The following TUSC3 variants were observed in gnomAD, a reference collection of about 807,000 sequenced individuals.
TUSC3 encodes dolichyl-diphosphooligosaccharide--protein glycosyltransferase subunit TUSC3.
TUSC3 carries 45 observed loss-of-function variants against 44.8 expected under a neutral mutation model. That is an observed-to-expected ratio of 1.00 (90% CI 0.79 to 1.29). TUSC3 has a LOEUF of 1.29. Among genes scored for constraint, TUSC3 ranks in the 50% most tolerant of loss-of-function variants. The pLI, the probability that TUSC3 is intolerant of heterozygous loss-of-function variation, is 0.00. For synonymous variants in TUSC3, 212 were observed against 152.9 expected (o/e 1.39, Z -2.85); for missense variants, 519 against 437.9 (o/e 1.19, Z -1.65).
At chr8:15,545,614 G>A (rs928041230) in intron 1 of TUSC3, among the ~76,000 whole-genome samples, 1 of 151,640 alleles carries the variant, frequency 6.6e-6, no homozygotes. Context: ...TAGGAGCTTG[G>A]TCAAAAGAGA....
intron 5 of TUSC3, among the ~76,000 whole-genome samples, chr8:15,664,795 A>C (rs1335171707): frequency 6.7e-6 from 1 of 149,532 alleles, no homozygotes; most frequent in Non-Finnish European, 1.5e-5. Flanking sequence ...AATATATAAT[A>C]TATAATTTAC....
At chr8:15,580,861 G>C (rs1803298820) in intron 1 of TUSC3, among the ~76,000 whole-genome samples, 1 of 143,086 alleles carries the variant, frequency 7.0e-6, no homozygotes, top group South Asian at 2.2e-4. Context: ...CTGAACGTTG[G>C]CCTGCCTTGC....
intron 1 of TUSC3, among the ~76,000 whole-genome samples, chr8:15,548,224 G>A (rs1801941406): frequency 6.6e-6 from 1 of 151,750 alleles, no homozygotes; most frequent in Non-Finnish European, 1.5e-5. Flanking sequence ...CCTGATGGTT[G>A]TGACAAACTA....
At chr8:15,747,234 C>T (rs926511022) in intron 8 of TUSC3, among the ~76,000 whole-genome samples, 8 of 151,968 alleles carry the variant, frequency 5.3e-5, no homozygotes, top group African/African-American at 1.9e-4. Flanking sequence ...ATCATAGTTC[C>T]TTATTATAGA....
At chr8:15,727,348 T>G (rs1810537373) in intron 6 of TUSC3, among the ~76,000 whole-genome samples, 1 of 152,174 alleles carries the variant, frequency 6.6e-6, no homozygotes, top group African/African-American at 2.4e-5. Context: ...CAGTAATCTC[T>G]TTGTTGCACA....
At chr8:15,466,133 A>G (rs1190040160) in intron 1 of TUSC3, among the ~76,000 whole-genome samples, 1 of 152,150 alleles carries the variant, frequency 6.6e-6, no homozygotes, top group East Asian at 1.9e-4. Context: ...AACAAACTGT[A>G]ATGACCTCAC....
chr8:15,420,033 G>A (rs1261836001), intron 1 of TUSC3, among the ~76,000 whole-genome samples: 1 of 151,962 alleles, frequency 6.6e-6, no homozygotes. Flanking sequence ...ATGTATCTGT[G>A]GATAGCAGGA....
At chr8:15,749,259 G>T (rs1376678949) in intron 9 of TUSC3, among the ~76,000 whole-genome samples, 1 of 152,062 alleles carries the variant, frequency 6.6e-6, no homozygotes, top group Non-Finnish European at 1.5e-5. Context: ...TATGTTGATA[G>T]AAAATAAAAG....
chr8:15,583,056 A>G (rs1014750234), intron 1 of TUSC3, among the ~76,000 whole-genome samples: 1 of 152,238 alleles, frequency 6.6e-6, no homozygotes, highest in Admixed American at 6.5e-5. Flanking sequence ...CATGAAGTTG[A>G]TCAATATGAC....
At chr8:15,606,930 T>C (rs1361169856) in intron 1 of TUSC3, among the ~76,000 whole-genome samples, 1 of 152,096 alleles carries the variant, frequency 6.6e-6, no homozygotes, top group Admixed American at 6.6e-5. Context: ...TGTGTGTGTG[T>C]GTGTGTATGT....
Position 15,562,011 on chromosome 8 carries a change from G to T in TUSC3, c.138+21443G>T, listed in dbSNP as rs185593969. ...TGTAGACAGGAGCTGTTCCTATTCGGCCATCTTGGCTCCTCTCTTCAAAAA... is the reference window on the plus strand; with the variant it reads ...TGTAGACAGGAGCTGTTCCTATTCGTCCATCTTGGCTCCTCTCTTCAAAAA... On this transcript the variant is annotated intron_variant, in intron 1 of 10. Coordinates refer to ENST00000503731, the MANE Select transcript of TUSC3 (RefSeq NM_006765.4). Among the ~76,000 whole-genome samples the T allele has an allele frequency of 1.6e-4, 25 of 152,280 alleles. No homozygotes were observed. In the East Asian group the frequency reaches 3.7e-3, roughly 22 times the overall value.
intron 2 of TUSC3, among the ~76,000 whole-genome samples, chr8:15,630,119 C>T (rs953129573): frequency 5.3e-5 from 8 of 152,078 alleles, no homozygotes; most frequent in African/African-American, 4.8e-5. Flanking sequence ...GGGTTTATTA[C>T]AAAATCTAAG....
At chr8:15,640,374 T>C (rs1326952411) in intron 2 of TUSC3, among the ~76,000 whole-genome samples, 1 of 152,184 alleles carries the variant, frequency 6.6e-6, no homozygotes, top group Non-Finnish European at 1.5e-5. Context: ...TTGTGTCCTT[T>C]CTCTGTAGTA....
At chr8:15,460,620 G>A (rs981499365) in intron 1 of TUSC3, among the ~76,000 whole-genome samples, 2 of 152,084 alleles carry the variant, frequency 1.3e-5, no homozygotes, top group South Asian at 2.1e-4. Context: ...ATGTCTAGAA[G>A]GGTTTTTCCA....
intron 1 of TUSC3, among the ~76,000 whole-genome samples, chr8:15,614,184 A>G (rs1160369839): frequency 1.3e-5 from 2 of 152,114 alleles, no homozygotes; most frequent in African/African-American, 4.8e-5. Context: ...AACACATATT[A>G]TTTTAATTAA....
At chr8:15,421,643 G>T (rs998662079) in intron 1 of TUSC3, among the ~76,000 whole-genome samples, 1 of 152,010 alleles carries the variant, frequency 6.6e-6, no homozygotes, top group Non-Finnish European at 1.5e-5. Flanking sequence ...GAATTTTTGC[G>T]TTTTGTCCAC....
intron 1 of TUSC3, among the ~76,000 whole-genome samples, chr8:15,421,978 G>A (rs994415369): frequency 1.3e-5 from 2 of 152,062 alleles, no homozygotes; most frequent in African/African-American, 4.8e-5. Context: ...TCTTCTCTGG[G>A]AGCATCATAA....
At chr8:15,657,668 C>G (rs1037609625) in intron 3 of TUSC3, among the ~76,000 whole-genome samples, 3 of 152,150 alleles carry the variant, frequency 2.0e-5, no homozygotes, top group African/African-American at 7.2e-5. Flanking sequence ...GCAATCTAGG[C>G]TTTTTCTAGT....
intron 6 of TUSC3, among the ~76,000 whole-genome samples, chr8:15,679,828 A>C (rs760586254): frequency 2.0e-5 from 3 of 152,116 alleles, no homozygotes; most frequent in African/African-American, 4.8e-5. Context: ...TTACTCCAGC[A>C]CCATTTATTG....
Sources: gnomAD v4.1 joint callset for allele counts (sites outside exome capture counted in the v4.1 genomes callset) on GRCh38, gnomAD v4.1.1 for gene constraint, MANE v1.5 for transcripts, NCBI Gene and HGNC (gene_info 2026-07-23, HGNC 2026-07-21) for gene names.